Variants in NCMAP observed in about 807,000 individuals in gnomAD.
The protein encoded by NCMAP is non-compact myelin associated protein.
A neutral mutation model predicts 7.8 loss-of-function variants in NCMAP; 8 were observed. The observed-to-expected ratio is 1.02, with a 90% CI of 0.60 to 1.84. The LOEUF (loss-of-function observed/expected upper bound fraction) is 1.84. NCMAP is among the 40% of genes most tolerant of loss of function. The pLI, the probability that NCMAP is intolerant of heterozygous loss-of-function variation, is 0.00. For synonymous variants in NCMAP, 41 were observed against 52.9 expected, an observed-to-expected ratio of 0.78 and a Z score of 0.98; for missense variants, 112 against 131.4, an observed-to-expected ratio of 0.85 and a Z score of 0.72.
intron 2 of NCMAP, among the ~76,000 whole-genome samples, chr1:24,596,058 G>A (rs1056704157): frequency 8.5e-5 from 13 of 152,062 alleles, no homozygotes; most frequent in African/African-American, 3.1e-4. Context: ...GAGGCATGTG[G>A]ATCACTTGAG....
At chr1:24,585,780 A>T (rs1651865683) in intron 1 of NCMAP, among the ~76,000 whole-genome samples, 1 of 151,980 alleles carries the variant, frequency 6.6e-6, no homozygotes, top group Non-Finnish European at 1.5e-5. Context: ...GGGAGATTTC[A>T]CTATTTCTTC....
intron 1 of NCMAP, among the ~76,000 whole-genome samples, chr1:24,583,337 G>T (rs1322483526): frequency 6.6e-6 from 1 of 152,166 alleles, no homozygotes; most frequent in Non-Finnish European, 1.5e-5. Context: ...AATGTCAGTA[G>T]TACCAAGGAT....
intron 3 of NCMAP, among the ~76,000 whole-genome samples, chr1:24,604,114 T>A (rs1652600870): frequency 6.6e-6 from 1 of 152,200 alleles, no homozygotes; most frequent in Non-Finnish European, 1.5e-5. Context: ...GGTGGAGTCC[T>A]TATGACCTAA....
intron 1 of NCMAP, among the ~76,000 whole-genome samples, chr1:24,557,376 T>C (rs1570507765): frequency 1.3e-5 from 2 of 151,976 alleles, no homozygotes; most frequent in African/African-American, 4.8e-5. Flanking sequence ...CCTCTTATGG[T>C]GCATGTGTGT....
At chr1:24,556,953 G>T (rs944771906) in intron 1 of NCMAP, among the ~76,000 whole-genome samples, 1 of 152,120 alleles carries the variant, frequency 6.6e-6, no homozygotes, top group African/African-American at 2.4e-5. Flanking sequence ...CAACAGTCTC[G>T]GGCAAGTCCA....
At chr1:24,598,773 G>T (rs992056792) in intron 2 of NCMAP, among the ~76,000 whole-genome samples, 1 of 151,578 alleles carries the variant, frequency 6.6e-6, no homozygotes, top group African/African-American at 2.4e-5. Flanking sequence ...GAATAGCTGG[G>T]ATTACAGGCT....
intron 1 of NCMAP, among the ~76,000 whole-genome samples, chr1:24,572,223 T>C (rs1651411814): frequency 1.3e-5 from 2 of 150,596 alleles, no homozygotes; most frequent in Admixed American, 1.3e-4. Context: ...GGCTTTTCTA[T>C]CCTCTCCACC....
At chr1:24,588,698 G>A (rs1464217981) in intron 1 of NCMAP, among the ~76,000 whole-genome samples, 2 of 152,182 alleles carry the variant, frequency 1.3e-5, no homozygotes, top group Admixed American at 6.6e-5. Context: ...TCCCACACAG[G>A]CCTTTGTAAA....
At chr1:24,557,833 C>T (rs762041532) in intron 1 of NCMAP, among the ~76,000 whole-genome samples, 12 of 152,098 alleles carry the variant, frequency 7.9e-5, no homozygotes, top group Non-Finnish European at 1.5e-4. Context: ...CCAGCCGCGG[C>T]GCGTGCGGTG....
Position 24,577,364 on chromosome 1 carries a change from T to C in NCMAP, c.-7-18060T>C, listed in dbSNP as rs530628078. Among the ~76,000 whole-genome samples, 19 of 144,076 alleles carry C rather than the reference T, an allele frequency of 1.3e-4. No homozygotes were observed. The East Asian group carries it at 3.3e-3, about 25-fold the overall frequency. The allele number at this position is 144,076 out of a possible 152,430, so 94.5% of individuals were successfully genotyped here. A position where few individuals can be genotyped will look rare whatever the true frequency, so the allele number is the denominator to read the frequency against. ...CACTGAAAGATCCATTAGGGATAAA[T>C]TCAGATTTTTGGAGTTTCTAAGAAG... On this transcript the variant is annotated intron_variant, in intron 1 of 3. Coordinates refer to ENST00000374392, the MANE Select transcript of NCMAP (RefSeq NM_001010980.5).
At position 24,576,380 on chromosome 1, in the gene NCMAP, C is replaced by G. The variant is rs1327815655; in HGVS notation, c.-7-19044C>G. On this transcript the variant is annotated intron_variant, in intron 1 of 3. Coordinates refer to ENST00000374392, the MANE Select transcript of NCMAP (RefSeq NM_001010980.5). The surrounding 1 kb of genome is among the most constrained non-coding windows in gnomAD (Gnocchi z 4.0). ...TGGGCCTATTGTGACTGGCCACTGG[C>G]CAGCTCACACCGTGGGCAGCTTGAA... is the stretch of plus-strand genomic sequence containing the variant. Among the ~76,000 whole-genome samples the G allele has an allele frequency of 1.3e-5, 2 of 152,202 alleles. No individual in the cohort carries two copies. Among genetic ancestry groups the G allele is most frequent in the African/African-American group, 4.8e-5 (2 of 41,460 alleles).
At chr1:24,598,401 C>G (rs990181646) in intron 2 of NCMAP, among the ~76,000 whole-genome samples, 1 of 152,044 alleles carries the variant, frequency 6.6e-6, no homozygotes, top group Non-Finnish European at 1.5e-5. Context: ...CATCCTCCAC[C>G]CCCCCAAGGG....
At chr1:24,561,633 G>A (rs138222820) in intron 1 of NCMAP, among the ~76,000 whole-genome samples, 6,683 of 151,920 alleles carry the variant, frequency 0.044, 462 homozygotes, top group African/African-American at 0.15. Flanking sequence ...GGGAGGGGCC[G>A]GGCGCGGTGG....
intron 1 of NCMAP, among the ~76,000 whole-genome samples, chr1:24,589,913 C>G (rs1462627668): frequency 6.6e-6 from 1 of 152,098 alleles, no homozygotes; most frequent in Middle Eastern, 3.2e-3. Flanking sequence ...ACCTCTGCCT[C>G]CCGGGTTCAA....
chr1:24,603,519 C>T (rs904903935), intron 3 of NCMAP, among the ~76,000 whole-genome samples: 3 of 152,240 alleles, frequency 2.0e-5, no homozygotes, highest in South Asian at 4.1e-4. Flanking sequence ...TCCACTCAAC[C>T]CACCCTGTTT....
intron 1 of NCMAP, among the ~76,000 whole-genome samples, chr1:24,556,871 G>A (rs1650911960): frequency 6.6e-6 from 1 of 152,096 alleles, no homozygotes; most frequent in Admixed American, 6.5e-5. Context: ...ATCTGAGTGG[G>A]GCAGGGAAAG....
intron 1 of NCMAP, among the ~76,000 whole-genome samples, chr1:24,575,962 G>T (rs1181315093): frequency 6.7e-6 from 1 of 149,290 alleles, no homozygotes; most frequent in Non-Finnish European, 1.5e-5. Context: ...AAGTCCTGGA[G>T]AGGAGAAGAA....
At chr1:24,578,001 G>A (rs976017135) in intron 1 of NCMAP, among the ~76,000 whole-genome samples, 6 of 152,120 alleles carry the variant, frequency 3.9e-5, no homozygotes, top group African/African-American at 9.7e-5. Context: ...AATGGCTCAC[G>A]CCTGTAATCC....
chr1:24,563,019 A>G (rs940144551), intron 1 of NCMAP, among the ~76,000 whole-genome samples: 1 of 152,260 alleles, frequency 6.6e-6, no homozygotes, highest in African/African-American at 2.4e-5. Flanking sequence ...TAGACACTTG[A>G]GAAGTGCAGC....
Sources: gnomAD v4.1 joint callset for allele counts (sites outside exome capture counted in the v4.1 genomes callset) on GRCh38, gnomAD v4.1.1 for gene constraint, Gnocchi (gnomAD v3.1) non-coding constraint, MANE v1.5 for transcripts, NCBI Gene and HGNC (gene_info 2026-07-23, HGNC 2026-07-21) for gene names.